Variants in UNC13C observed in about 807,000 individuals in gnomAD.
The protein encoded by UNC13C is protein unc-13 homolog C.
A neutral mutation model predicts 245.4 loss-of-function variants in UNC13C; 174 were observed. The ratio of observed to expected loss-of-function variants is 0.71; its 90% CI spans 0.63 to 0.80. The LOEUF (loss-of-function observed/expected upper bound fraction) is 0.80. Ranked by LOEUF, UNC13C falls within the 30% of genes least tolerant of loss-of-function variation. UNC13C has a pLI of 0.00. For missense variants in UNC13C, 2,829 were observed against 2,602.9 expected, an observed-to-expected ratio of 1.09 and a Z score of -1.89; for synonymous variants, 992 against 895.1, an observed-to-expected ratio of 1.11 and a Z score of -1.93.
At chr15:54,202,299 C>T (rs2034548104) in intron 4 of UNC13C, among the ~76,000 whole-genome samples, 1 of 151,868 alleles carries the variant, frequency 6.6e-6, no homozygotes, top group Admixed American at 6.6e-5. Flanking sequence ...CATCATTCAT[C>T]ACATAACTAG....
chr15:54,497,030 T>C (rs1419826060), intron 20 of UNC13C, among the ~76,000 whole-genome samples: 1 of 152,094 alleles, frequency 6.6e-6, no homozygotes, highest in Non-Finnish European at 1.5e-5. Flanking sequence ...ATATGAAGTC[T>C]GTATGCCTAA....
upstream of UNC13C, chr15:53,974,678 T>C (rs1176138670): frequency 1.3e-5 from 2 of 152,138 alleles, no homozygotes; most frequent in Non-Finnish European, 2.9e-5. Context: ...ATCACTTAGA[T>C]GCATTTAAAT....
the UNC13C span, among the ~76,000 whole-genome samples, chr15:53,903,742 G>C: frequency 6.6e-6 from 1 of 152,216 alleles, no homozygotes; most frequent in African/African-American, 2.4e-5. Context: ...GAGGTCGAAG[G>C]GCTGTGTTCA....
At chr15:54,371,878 T>C (rs1048784973) in intron 17 of UNC13C, among the ~76,000 whole-genome samples, 1 of 152,036 alleles carries the variant, frequency 6.6e-6, no homozygotes, top group Non-Finnish European at 1.5e-5. Context: ...CACATATTTG[T>C]GGAATGAAAA....
At chr15:54,275,251 G>A (rs552633252) in intron 10 of UNC13C, among the ~76,000 whole-genome samples, 1 of 152,228 alleles carries the variant, frequency 6.6e-6, no homozygotes, top group African/African-American at 2.4e-5. Context: ...AGAACACTTT[G>A]CCCAACAAGA....
Position 54,226,661 on chromosome 15 carries a change from C to T in UNC13C, c.3072-8369C>T, listed in dbSNP as rs113697831. Among the ~76,000 whole-genome samples the T allele has an allele frequency of 3.0e-4, 46 of 152,298 alleles. 4 individuals are homozygous for T. Among genetic ancestry groups the T allele is most frequent in the Middle Eastern group, 3.4e-3 (1 of 294 alleles). ...GCAAGGGGTGTGTTGGAGAGCAAGCCTGGGGTCCAGCCACGGTGTAAAACC... is the reference window on the plus strand; with the variant it reads ...GCAAGGGGTGTGTTGGAGAGCAAGCTTGGGGTCCAGCCACGGTGTAAAACC... On this transcript the variant is annotated intron_variant, in intron 4 of 32. Transcript: ENST00000260323.
chr15:54,094,783 T>G (rs1018956026), intron 2 of UNC13C, among the ~76,000 whole-genome samples: 4 of 152,206 alleles, frequency 2.6e-5, no homozygotes, highest in African/African-American at 9.6e-5. Flanking sequence ...CCTGTGCAGC[T>G]ATCTCTGAGT....
At chr15:54,622,291 G>A (rs756622887) in intron 30 of UNC13C, 36 bp from the exon 31 acceptor site, 2 of 1,429,722 alleles carry the variant, frequency 1.4e-6, no homozygotes, top group Non-Finnish European at 2.0e-6. Flanking sequence ...TAATGAGTCT[G>A]AAAGCTCAGG....
intron 2 of UNC13C, among the ~76,000 whole-genome samples, chr15:54,077,110 A>G (rs1274339603): frequency 1.3e-5 from 2 of 152,074 alleles, no homozygotes; most frequent in Non-Finnish European, 2.9e-5. Context: ...GTTATAGTGA[A>G]GGCTATGAGT....
At chr15:54,347,245 C>T (rs913708763) in intron 17 of UNC13C, among the ~76,000 whole-genome samples, 12 of 152,204 alleles carry the variant, frequency 7.9e-5, no homozygotes, top group African/African-American at 2.6e-4. Context: ...AACCACTCAG[C>T]GAAAGAACTT....
At chr15:54,405,838 G>T (rs1029106175) in intron 18 of UNC13C, among the ~76,000 whole-genome samples, 1 of 152,060 alleles carries the variant, frequency 6.6e-6, no homozygotes, top group Non-Finnish European at 1.5e-5. Context: ...GAAACTGTTA[G>T]CTTTGCAAAT....
intron 31 of UNC13C, among the ~76,000 whole-genome samples, chr15:54,622,982 T>A (rs1318986370): frequency 6.6e-6 from 1 of 152,196 alleles, no homozygotes; most frequent in African/African-American, 2.4e-5. Flanking sequence ...AGAATTACAT[T>A]ACATATTGTA....
intron 25 of UNC13C, among the ~76,000 whole-genome samples, chr15:54,531,157 G>C (rs897545755): frequency 6.6e-6 from 1 of 152,086 alleles, no homozygotes; most frequent in Non-Finnish European, 1.5e-5. Flanking sequence ...AGATTGCATG[G>C]GCAGTTAAAT....
chr15:54,131,274 G>A (rs1057223802), intron 2 of UNC13C, among the ~76,000 whole-genome samples: 2 of 152,128 alleles, frequency 1.3e-5, no homozygotes, highest in African/African-American at 4.8e-5. Context: ...GACTAGACTG[G>A]ATTTTCAAAA....
At chr15:53,996,447 T>G (rs891517515) in intron 1 of UNC13C, among the ~76,000 whole-genome samples, 7 of 152,172 alleles carry the variant, frequency 4.6e-5, no homozygotes, top group Non-Finnish European at 7.3e-5. Context: ...TTGAACCACT[T>G]TTTCTGTATA....
intron 1 of UNC13C, among the ~76,000 whole-genome samples, chr15:53,996,328 C>T (rs753590794): frequency 6.6e-6 from 1 of 152,134 alleles, no homozygotes; most frequent in Admixed American, 6.6e-5. Context: ...AGAGGATTTC[C>T]AAGCAGGTTT....
intron 19 of UNC13C, among the ~76,000 whole-genome samples, chr15:54,422,983 A>ACACAC (rs780824619): frequency 1.4e-5 from 2 of 140,146 alleles, no homozygotes; most frequent in African/African-American, 2.7e-5. Context: ...ACACACACAC[A>ACACAC]ACGAAAAAAA....
chr15:53,962,134 G>A, the UNC13C span, among the ~76,000 whole-genome samples: 1 of 152,082 alleles, frequency 6.6e-6, no homozygotes. Context: ...ATTGATGATA[G>A]CTATAATATA....
chr15:54,358,846 T>C (rs944345916), intron 17 of UNC13C, among the ~76,000 whole-genome samples: 2 of 152,002 alleles, frequency 1.3e-5, no homozygotes, highest in African/African-American at 4.8e-5. Flanking sequence ...ACTTCCAGTA[T>C]TGTGTTGAAT....
Sources: gnomAD v4.1 joint callset for allele counts (sites outside exome capture counted in the v4.1 genomes callset) on GRCh38, gnomAD v4.1.1 for gene constraint, MANE v1.5 for transcripts, NCBI Gene and HGNC (gene_info 2026-07-23, HGNC 2026-07-21) for gene names.